The following PTPRN2 variants were observed in gnomAD, a reference collection of about 807,000 sequenced individuals.
PTPRN2 encodes protein tyrosine phosphatase receptor type N2.
A neutral mutation model predicts 118.8 loss-of-function variants in PTPRN2; 74 were observed. The ratio of observed to expected loss-of-function variants is 0.62; its 90% CI spans 0.52 to 0.76. PTPRN2 has a LOEUF of 0.76. PTPRN2 is among the 30% of genes least tolerant of loss of function. The pLI is 0.00. For synonymous variants in PTPRN2, 641 were observed against 608.0 expected (o/e 1.05, Z -0.80); for missense variants, 1,481 against 1,394.4 (o/e 1.06, Z -0.99).
chr7:158,184,071 GTCTTTTCAA>G (rs4045134), intron 5 of PTPRN2, among the ~76,000 whole-genome samples: 95,347 of 151,336 alleles, frequency 0.63, 30,959 homozygotes, highest in East Asian at 0.84. Context: ...TATGTGGCTT[GTCTTTTCAA>G]TCTTTTGTGT....
At chr7:158,472,528 G>A (rs1819935135) in intron 2 of PTPRN2, among the ~76,000 whole-genome samples, 1 of 152,186 alleles carries the variant, frequency 6.6e-6, no homozygotes, top group Non-Finnish European at 1.5e-5. Flanking sequence ...CAGGTGCTGG[G>A]TGTTATTCCA....
intron 2 of PTPRN2, among the ~76,000 whole-genome samples, chr7:158,485,433 C>T (rs1299410441): frequency 2.7e-5 from 2 of 74,526 alleles, no homozygotes; most frequent in Non-Finnish European, 4.8e-5. Context: ...CACCCCTCTG[C>T]GCCTCTCCTG....
intron 2 of PTPRN2, among the ~76,000 whole-genome samples, chr7:158,412,460 C>T (rs1186236008): frequency 7.7e-5 from 7 of 90,702 alleles, no homozygotes; most frequent in South Asian, 5.6e-4. Flanking sequence ...GCCCATCCAG[C>T]GCCCTCCTCA....
rs1585098381 is a variant in PTPRN2, at chr7:157,964,119, T to A, written c.1724-65382A>T. ...AGGGCACGACCACCTCGCAGTGACC[T>A]CCCTCTGTGTGGGACCCCCGTTCCC... On this transcript the variant is annotated intron_variant, in intron 11 of 22. Transcript: ENST00000389418. This position sits in a 1 kb window ranked among gnomAD's most constrained non-coding sequence, Gnocchi z 9.0. 1.3e-5 allele frequency among the ~76,000 whole-genome samples: 2 copies of A among 152,284 alleles called. No individual in the cohort carries two copies. Among genetic ancestry groups the A allele is most frequent in the East Asian group, 3.9e-4 (2 of 5,172 alleles).
intron 22 of PTPRN2, among the ~76,000 whole-genome samples, chr7:157,543,530 G>A (rs1798112473): frequency 6.6e-6 from 1 of 152,258 alleles, no homozygotes; most frequent in Non-Finnish European, 1.5e-5. Context: ...TGCAGGAGCT[G>A]CCATGGCTCT....
chr7:158,316,216 G>A (rs1027393695), intron 3 of PTPRN2, among the ~76,000 whole-genome samples: 6 of 152,130 alleles, frequency 3.9e-5, no homozygotes, highest in Non-Finnish European at 5.9e-5. Flanking sequence ...TACGCACAGT[G>A]CTCCTGCCAG....
intron 12 of PTPRN2, among the ~76,000 whole-genome samples, chr7:157,693,585 G>A (rs1206770620): frequency 6.6e-6 from 1 of 151,990 alleles, no homozygotes; most frequent in Non-Finnish European, 1.5e-5. Context: ...GGCGGGCGAC[G>A]GCGCCCCCAC....
chr7:158,057,271 T>C (rs189256387), intron 11 of PTPRN2, among the ~76,000 whole-genome samples: 14 of 152,310 alleles, frequency 9.2e-5, no homozygotes, highest in Middle Eastern at 3.4e-3. Flanking sequence ...ACCAGAAACT[T>C]TGCTCTTCTG....
Position 157,715,634 on chromosome 7 carries a change from G to A in PTPRN2, c.1789-32697C>T, listed in dbSNP as rs184328586. The stretch of plus-strand genomic sequence containing the variant: ...ATCTAAACCACTCCAGAAACAGGCC[G>A]GCCCCTGCTGCAACAGCAAGTTGAT... On this transcript the variant is annotated intron_variant, in intron 12 of 22. Coordinates refer to ENST00000389418, the MANE Select transcript of PTPRN2 (RefSeq NM_002847.5). Among the ~76,000 whole-genome samples, 10 of 152,298 alleles carry A rather than the reference G, an allele frequency of 6.6e-5. No individual in the cohort carries two copies. The South Asian group carries it at 1.0e-3, about 16-fold the overall frequency.
At chr7:157,565,194 C>T (rs1167065505) in intron 21 of PTPRN2, among the ~76,000 whole-genome samples, 2 of 152,196 alleles carry the variant, frequency 1.3e-5, no homozygotes, top group African/African-American at 2.4e-5. Context: ...CATGTCCAGT[C>T]GCTGAGTCTG....
intron 1 of PTPRN2, among the ~76,000 whole-genome samples, chr7:158,576,582 G>C (rs935881955): frequency 6.6e-6 from 1 of 152,168 alleles, no homozygotes; most frequent in Non-Finnish European, 1.5e-5. Flanking sequence ...TGAACATAAG[G>C]AACAGGAACA....
At position 158,136,673 on chromosome 7, in the gene PTPRN2, A is replaced by G; in HGVS notation, c.1155T>C (p.Asp385=). 6.2e-7 allele frequency: 1 copy of G among 1,613,876 alleles called. No individual in the cohort carries two copies. Among genetic ancestry groups the G allele is most frequent in the Non-Finnish European group, 8.5e-7 (1 of 1,179,806 alleles). The change falls in exon 8 of 23, where the codon GAT becomes GAC. Residue 385 remains aspartate (D), a synonymous_variant. Coordinates refer to ENST00000389418, the MANE Select transcript of PTPRN2 (RefSeq NM_002847.5). ...SFPDDGVQDD[D]DRLYQEVHRL... The stretch of plus-strand genomic sequence containing the variant: ...ATCTTACCTCTTGGTAAAGTCTATC[A>G]TCGTCGTCCTGCACTCCGTCATCTG...
intron 11 of PTPRN2, among the ~76,000 whole-genome samples, chr7:158,039,700 A>C (rs1416306909): frequency 6.6e-6 from 1 of 152,236 alleles, no homozygotes; most frequent in Non-Finnish European, 1.5e-5. Flanking sequence ...CTTTTATCCA[A>C]TACAGCATAT....
intron 6 of PTPRN2, among the ~76,000 whole-genome samples, chr7:158,150,302 G>A (rs141096146): frequency 6.8e-4 from 103 of 152,324 alleles, no homozygotes; most frequent in Non-Finnish European, 1.3e-3. Context: ...AAAGGCTAAC[G>A]TAACCAGAAC....
intron 3 of PTPRN2, among the ~76,000 whole-genome samples, chr7:158,248,727 C>T (rs1262924104): frequency 6.6e-6 from 1 of 150,644 alleles, no homozygotes; most frequent in Non-Finnish European, 1.5e-5. Context: ...ACCCACATCA[C>T]ATGCATGCCC....
intron 2 of PTPRN2, among the ~76,000 whole-genome samples, chr7:158,395,729 GGAGAGGGGAGAGGGGCGAGGGGTGAGGC>G (rs1812401069): frequency 2.5e-4 from 1 of 4,070 alleles, no homozygotes; most frequent in Non-Finnish European, 6.4e-4. Context: ...AGGCGCGAGG[GGAGAGGGGAGAGGGGCGAGGGGTGAGGC>G]GCGAGGGGCG....
At chr7:158,398,503 A>C (rs1047345273) in intron 2 of PTPRN2, among the ~76,000 whole-genome samples, 5 of 152,224 alleles carry the variant, frequency 3.3e-5, no homozygotes, top group Non-Finnish European at 7.3e-5. Flanking sequence ...AAACATACAT[A>C]AAGTACATTC....
At chr7:157,592,475 G>A (rs552446015) in intron 17 of PTPRN2, among the ~76,000 whole-genome samples, 68 of 152,270 alleles carry the variant, frequency 4.5e-4, no homozygotes, top group African/African-American at 1.4e-3. Flanking sequence ...GATGGAGGGT[G>A]GATGTGGCAC....
intron 1 of PTPRN2, among the ~76,000 whole-genome samples, chr7:158,520,642 G>A (rs751026871): frequency 7.9e-5 from 12 of 152,198 alleles, no homozygotes; most frequent in African/African-American, 2.9e-4. Flanking sequence ...TGTGGGTGGT[G>A]ATAATTCCAT....
Sources: allele counts gnomAD v4.1 joint callset (sites outside exome capture counted in the v4.1 genomes callset), GRCh38; gene constraint gnomAD v4.1.1; non-coding constraint Gnocchi (gnomAD v3.1); transcripts MANE v1.5; gene names NCBI Gene and HGNC (gene_info 2026-07-23, HGNC 2026-07-21).